Variants in COL18A1 observed in about 807,000 individuals in gnomAD.
COL18A1 encodes collagen type XVIII alpha 1 chain.
A neutral mutation model predicts 168.0 loss-of-function variants in COL18A1; 133 were observed. The ratio of observed to expected loss-of-function variants is 0.79; its 90% confidence interval spans 0.69 to 0.91. The LOEUF (loss-of-function observed/expected upper bound fraction) is 0.91. Ranked by LOEUF, COL18A1 falls within the 40% of genes least tolerant of loss-of-function variation. The pLI is 0.00. For synonymous variants in COL18A1, 949 were observed against 809.0 expected, an observed-to-expected ratio of 1.17 and a Z score of -2.94; for missense variants, 2,126 against 1,925.4, an observed-to-expected ratio of 1.10 and a Z score of -1.95.
intron 2 of COL18A1, among the ~76,000 whole-genome samples, chr21:45,442,168 G>T (rs1415334845): frequency 6.6e-6 from 1 of 152,012 alleles, no homozygotes; most frequent in Non-Finnish European, 1.5e-5. Flanking sequence ...CTGCTGTGGG[G>T]CCACAGCCTT....
chr21:45,506,996 CCTAA>C (rs1207271983), intron 37 of COL18A1: 5 of 287,102 alleles, frequency 1.7e-5, no homozygotes, highest in Admixed American at 4.5e-5. Flanking sequence ...GCAGCCCCAT[CCTAA>C]CTTTCAGGGG....
intron 2 of COL18A1, among the ~76,000 whole-genome samples, chr21:45,442,993 GTGTGGGCGGCGGTGCTGA>G: frequency 7.0e-6 from 1 of 143,186 alleles, no homozygotes; most frequent in Non-Finnish European, 1.5e-5. Context: ...GGCGGTGCTG[GTGTGGGCGGCGGTGCTGA>G]TGTGGGTGGT....
rs7278033 is a variant in COL18A1 at position 45,457,733 on chromosome 21, G to A, written c.107-10509G>A. ...GCCTTGGCCCAGAGGCCCTATCCCC[G>A]CAGGGTGAGGTGCTCTGTCCTCCTC... On this transcript the variant is annotated intron_variant, in intron 2 of 41. Coordinates refer to ENST00000651438, the MANE Select transcript of COL18A1 (RefSeq NM_001379500.1). The surrounding 1 kb of genome is among the most constrained non-coding windows in gnomAD (Gnocchi z 4.6). Among the ~76,000 whole-genome samples the A allele has an allele frequency of 0.011, 1,630 of 152,274 alleles. 25 individuals carry two copies. Among genetic ancestry groups the A allele is most frequent in the African/African-American group, 0.037 (1,523 of 41,556 alleles).
chr21:45,429,688 C>T (rs559420391), intron 2 of COL18A1, among the ~76,000 whole-genome samples: 44 of 152,182 alleles, frequency 2.9e-4, no homozygotes, highest in Non-Finnish European at 2.1e-4. Flanking sequence ...CTGCGGGTGA[C>T]GGACAGGCTC....
At chr21:45,492,461 T>TAC (rs1053175508) in intron 22 of COL18A1, 74 bp from the exon 23 acceptor site, 2 of 1,552,130 alleles carry the variant, frequency 1.3e-6, no homozygotes, top group African/African-American at 2.7e-5. Flanking sequence ...TTTGTTGATC[T>TAC]GTAAGTCGCT....
At chr21:45,449,724 C>T (rs183056257) in intron 2 of COL18A1, among the ~76,000 whole-genome samples, 80 of 152,294 alleles carry the variant, frequency 5.3e-4, no homozygotes, top group Non-Finnish European at 9.7e-4. Flanking sequence ...TGGACCCAGG[C>T]CTGGCCACCC....
In COL18A1 at chr21:45,450,295, G is replaced by T. The variant is rs538949356; in HGVS notation, c.107-17947G>T. ...GGGAATGAAGAGGGTGGCTCAGGTG[G>T]GGTCTGCCCTGCTCCCTCATCCCTG... is the stretch of plus-strand genomic sequence containing the variant. On this transcript the variant is annotated intron_variant, in intron 2 of 41. Transcript: ENST00000651438. 7.9e-5 allele frequency among the ~76,000 whole-genome samples: 12 copies of T among 152,292 alleles called. No homozygotes were observed. In the South Asian group the frequency reaches 2.5e-3, roughly 32 times the overall value.
At chr21:45,486,779 A>G (rs2036128580) in intron 15 of COL18A1, 82 bp from the exon 16 acceptor site, 3 of 1,450,488 alleles carry the variant, frequency 2.1e-6, no homozygotes, top group South Asian at 1.2e-5. Flanking sequence ...AGAAAGCATC[A>G]TAAGAAAACG....
intron 15 of COL18A1, among the ~76,000 whole-genome samples, chr21:45,483,879 TCTCCAGCATATGTACACATGC>T (rs1251138826): frequency 6.6e-6 from 1 of 150,900 alleles, no homozygotes; most frequent in Non-Finnish European, 1.5e-5. Context: ...CACACACACC[TCTCCAGCATATGTACACATGC>T]ACACACACAC....
chr21:45,494,881 G>C lies in COL18A1; in HGVS notation c.2399G>C (p.Gly800Ala), dbSNP rs545705836. The change falls in exon 28 of 42, where the codon GGG (glycine) becomes GCG (alanine). Residue 800 changes from glycine to alanine, a missense_variant. Transcript: ENST00000651438. Reference protein sequence around the residue: ...RGPPGPYGRPGYKGEIGFPGR... With the variant: ...RGPPGPYGRPAYKGEIGFPGR... The stretch of plus-strand genomic sequence containing the variant: ...TTGCAGGGTCCATACGGACGGCCGG[G>C]GTACAAGGGAGAGATTGGCTTTCCT... The C allele has an allele frequency of 3.1e-6, 5 of 1,610,720 alleles. No individual in the cohort carries two copies. The highest frequency in any genetic ancestry group is 1.7e-5 in the Admixed American group (1 of 59,836).
chr21:45,495,179 A>G lies in COL18A1; in HGVS notation c.2434-179A>G, dbSNP rs559327488. 1,035 of 668,176 alleles carry G rather than the reference A, an allele frequency of 1.5e-3. 16 individuals carry two copies. In the South Asian group the frequency reaches 0.017, roughly 11 times the overall value. 41.4% of individuals were successfully genotyped at this position (668,176 alleles called of 1,614,324 possible). ...GTGCTAGGCTCAGTCACCTCCTCCC[A>G]AAAGGGTCCTTGTGCAGGAAAGGGG... is the stretch of plus-strand genomic sequence containing the variant. On this transcript the variant is annotated intron_variant, in intron 28 of 41. Coordinates refer to ENST00000651438, the MANE Select transcript of COL18A1 (RefSeq NM_001379500.1).
In COL18A1 at chr21:45,513,523, CCT is replaced by C. The variant is rs1177685079; in HGVS notation, c.*1126_*1127del. 1.4e-5 allele frequency: 2 copies of C among 146,814 alleles called. No individual in the cohort carries two copies. The highest frequency in any genetic ancestry group is 2.6e-5 in the African/African-American group (1 of 38,434). 9.1% of individuals were successfully genotyped at this position (146,814 alleles called of 1,614,324 possible). ...AGGTCCTCTGTCAGTCACAGCCACC[CCT>C]GAGATCCGGCAACATCAACCCGAGT... is the stretch of plus-strand genomic sequence containing the variant. On this transcript the variant is annotated 3_prime_UTR_variant, in exon 42 of 42. Transcript: ENST00000651438.
chr21:45,478,746 G>A (rs1039790044), intron 9 of COL18A1, among the ~76,000 whole-genome samples: 1 of 152,158 alleles, frequency 6.6e-6, no homozygotes, highest in Admixed American at 6.5e-5. Context: ...AAAACACGCA[G>A]TTCAGTCTTT....
intron 13 of COL18A1, among the ~76,000 whole-genome samples, chr21:45,481,264 G>A (rs1035525259): frequency 2.0e-5 from 3 of 152,182 alleles, no homozygotes; most frequent in Non-Finnish European, 2.9e-5. Flanking sequence ...AGGTCCCCAC[G>A]GCAGGCTCCC....
intron 34 of COL18A1, 123 bp from the exon 35 acceptor site, chr21:45,505,011 G>A (rs999578917): frequency 4.0e-6 from 5 of 1,258,050 alleles, no homozygotes; most frequent in Non-Finnish European, 5.6e-6. Flanking sequence ...GGGCAGGGAG[G>A]GGACCGGTGA....
In COL18A1 at chr21:45,471,832, C is replaced by T. The variant is rs2145901943; in HGVS notation, c.652-2063C>T. Among the ~76,000 whole-genome samples the T allele has an allele frequency of 6.6e-6, 1 of 152,316 alleles. No individual in the cohort carries two copies. Among genetic ancestry groups the T allele is most frequent in the South Asian group, 2.1e-4 (1 of 4,820 alleles). On this transcript the variant is annotated intron_variant, in intron 3 of 41. Transcript: ENST00000651438. This position sits in a 1 kb window ranked among gnomAD's most constrained non-coding sequence, Gnocchi z 4.4. ...TTACATGCTCTTCCCTCACAGAATT[C>T]CTGTGAGCTCTGTTTCAGGTGTCTC...
intron 2 of COL18A1, among the ~76,000 whole-genome samples, chr21:45,432,209 G>A (rs1264646284): frequency 2.0e-5 from 3 of 151,966 alleles, no homozygotes; most frequent in Non-Finnish European, 4.4e-5. Flanking sequence ...GGGGACAGGT[G>A]CCCTCATGGG....
chr21:45,467,318 G>T (rs2035247288), intron 2 of COL18A1: 21 of 985,470 alleles, frequency 2.1e-5, no homozygotes, highest in Non-Finnish European at 2.4e-5. Flanking sequence ...TCGAAGTGAA[G>T]TCAAGCTCCG....
At position 45,455,983 on chromosome 21, in the gene COL18A1, C is replaced by T. The variant is rs573521157; in HGVS notation, c.107-12259C>T. On this transcript the variant is annotated intron_variant, in intron 2 of 41. Transcript: ENST00000651438. ...TGGTCCTGGAGACTCCTGTGGGCCC[C>T]CTTGCCCTCGCTGGGCCTTCCAGCA... The T allele has an allele frequency of 3.1e-6, 5 of 1,613,016 alleles. No individual in the cohort carries two copies. Among genetic ancestry groups the T allele is most frequent in the Admixed American group, 3.3e-5 (2 of 60,022 alleles).
Sources: allele counts gnomAD v4.1 joint callset (sites outside exome capture counted in the v4.1 genomes callset), GRCh38; gene constraint gnomAD v4.1.1; non-coding constraint Gnocchi (gnomAD v3.1); transcripts MANE v1.5; gene names NCBI Gene and HGNC (gene_info 2026-07-23, HGNC 2026-07-21).